DPH7: variants seen among roughly 807,000 people sequenced by gnomAD.
DPH7 encodes diphthine methyltransferase.
Under a neutral mutation model 41.7 loss-of-function variants are expected in DPH7, and 44 were observed. The observed-to-expected ratio is 1.05, with a 90% CI of 0.83 to 1.36. The LOEUF is 1.36. DPH7 is among the 40% of genes most tolerant of loss of function. The pLI, the probability that DPH7 is intolerant of heterozygous loss-of-function variation, is 0.00. For synonymous variants in DPH7, 275 were observed against 238.0 expected, an observed-to-expected ratio of 1.16 and a Z score of -1.43; for missense variants, 629 against 577.5, an observed-to-expected ratio of 1.09 and a Z score of -0.91.
chr9:137,575,987 G>A (rs1477776185), intron 3 of DPH7, 93 bp downstream of exon 3: 41 of 1,586,876 alleles, frequency 2.6e-5, no homozygotes, highest in South Asian at 2.1e-4. Context: ...AAGAGAGATC[G>A]TTTTAGAAAA....
At chr9:137,571,348 G>A (rs373630220) in intron 5 of DPH7, among the ~76,000 whole-genome samples, 4 of 151,306 alleles carry the variant, frequency 2.6e-5, no homozygotes, top group African/African-American at 7.3e-5. Flanking sequence ...CACCATGCCC[G>A]GCTAATTTTT....
rs144597061 is a variant in DPH7, at chr9:137,565,130, C to A, written c.665G>T (p.Gly222Val). Residue 222 changes from glycine to valine, a missense_variant, in exon 6 of 9, where the codon GGC (glycine) becomes GTC (valine). Gly to Val is a moderately radical substitution (Grantham distance 109). Coordinates refer to ENST00000277540, the MANE Select transcript of DPH7 (RefSeq NM_138778.5). ...YSGGDDGLLR[G>V]WDTRVPGKFL... is the part of the protein sequence containing the mutation. Reference sequence around the variant, plus strand: ...TTTGCCGGGTACCCTGGTGTCCCAGCCCCTCAGAAGGCCATCGTCGCCCCC... The same window carrying A: ...TTTGCCGGGTACCCTGGTGTCCCAGACCCTCAGAAGGCCATCGTCGCCCCC... 3.1e-6 allele frequency: 5 copies of A among 1,614,052 alleles called. No individual in the cohort carries two copies. The highest frequency in any genetic ancestry group is 4.2e-6 in the Non-Finnish European group (5 of 1,180,022).
At position 137,555,541 on chromosome 9, in the gene DPH7, A is replaced by AGGGGGCCG; in HGVS notation, c.1056_1057insCGGCCCCC (p.Ser353ArgfsTer11). Reference sequence around the variant, plus strand: ...CCTAGGTTGCTAGGAAAGGACCACGAGGGGGCCCGCTGCAGAGAACGGAAG... The same window carrying AGGGGGCCG: ...CCTAGGTTGCTAGGAAAGGACCACGAGGGGGCCGGGGGGCCCGCTGCAGAGAACGGAAG... On this transcript the variant is annotated frameshift_variant, in exon 9 of 9. Coordinates refer to ENST00000277540, the MANE Select transcript of DPH7 (RefSeq NM_138778.5). LOFTEE classifies it low-confidence loss of function (END_TRUNC). 1 of 1,613,982 alleles carries AGGGGGCCG rather than the reference A, an allele frequency of 6.2e-7. No individual in the cohort carries two copies. The highest frequency in any genetic ancestry group is 1.1e-5 in the South Asian group (1 of 91,076).
chr9:137,564,810 G>A (rs1839283251), intron 7 of DPH7, 83 bp downstream of exon 7: 1 of 1,496,786 alleles, frequency 6.7e-7, no homozygotes, highest in African/African-American at 1.4e-5. Context: ...AGGAAAGGCA[G>A]CGAAAGAGGG....
chr9:137,571,577 T>C (rs1187026459), intron 5 of DPH7, among the ~76,000 whole-genome samples: 3 of 151,966 alleles, frequency 2.0e-5, no homozygotes, highest in African/African-American at 7.2e-5. Context: ...CGCTTGAGCC[T>C]AGGCATTCGA....
chr9:137,556,286 G>C lies in DPH7; in HGVS notation c.950-638C>G, dbSNP rs1837490106. Among the ~76,000 whole-genome samples, 1 of 152,204 alleles carries C rather than the reference G, an allele frequency of 6.6e-6. No homozygotes were observed. The highest frequency in any genetic ancestry group is 1.5e-5 in the Non-Finnish European group (1 of 68,036). ...ACACAGCAACAGAGGGAATGACGAG[G>C]CGTGGCCAAACCCGAGGCGATCTGG... On this transcript the variant is annotated intron_variant, in intron 8 of 8. Transcript: ENST00000277540. The surrounding 1 kb of genome is among the most constrained non-coding windows in gnomAD (Gnocchi z 5.2).
At chr9:137,562,288 G>A (rs1281694811) in intron 8 of DPH7, among the ~76,000 whole-genome samples, 1 of 152,054 alleles carries the variant, frequency 6.6e-6, no homozygotes, top group Admixed American at 6.6e-5. Flanking sequence ...CAGAACACAC[G>A]TCCGCAAGTG....
In DPH7 at chr9:137,565,339, G is replaced by A; in HGVS notation, c.641-185C>T. 2 of 183,982 alleles carry A rather than the reference G, an allele frequency of 1.1e-5. 1 individual carries two copies. The highest frequency in any genetic ancestry group is 1.9e-5 in the Non-Finnish European group (2 of 104,176). The allele number at this position is 183,982 out of a possible 1,614,324, so 11.4% of individuals were successfully genotyped here. A position where few individuals can be genotyped will look rare whatever the true frequency, so the allele number is the denominator to read the frequency against. Reference sequence around the variant, plus strand: ...TGTGAGGAAGCTCCCCGGGGTGACTGTCTGTGAGGAAGCTCCCCTGGGTGA... The same window carrying A: ...TGTGAGGAAGCTCCCCGGGGTGACTATCTGTGAGGAAGCTCCCCTGGGTGA... On this transcript the variant is annotated intron_variant, in intron 5 of 8. Coordinates refer to ENST00000277540, the MANE Select transcript of DPH7 (RefSeq NM_138778.5).
intron 8 of DPH7, among the ~76,000 whole-genome samples, chr9:137,558,945 T>TG (rs1448038400): frequency 6.6e-6 from 1 of 152,106 alleles, no homozygotes; most frequent in East Asian, 1.9e-4. Flanking sequence ...CGTGAGACAC[T>TG]GCGCCCGGCC....
intron 1 of DPH7, 87 bp downstream of exon 1, chr9:137,578,538 T>C: frequency 2.2e-6 from 3 of 1,346,886 alleles, no homozygotes; most frequent in Non-Finnish European, 2.9e-6. Flanking sequence ...ATATCCCCTC[T>C]TCATCTCCTG....
At position 137,578,613 on chromosome 9, in the gene DPH7, C is replaced by T. The variant is rs1274459784; in HGVS notation, c.153+12G>A. The T allele has an allele frequency of 2.0e-6, 3 of 1,474,004 alleles. No homozygotes were observed. The highest frequency in any genetic ancestry group is 2.7e-6 in the Non-Finnish European group (3 of 1,119,878). 91.3% of individuals were successfully genotyped at this position (1,474,004 alleles called of 1,614,324 possible). On this transcript the variant is annotated intron_variant, in intron 1 of 8. Transcript: ENST00000277540. ...GCCCCGCCCTCCCCTCCCGAAGCCG[C>T]GGCGCGCGCACCTTGTTCTGGGGGC... is the stretch of plus-strand genomic sequence containing the variant.
chr9:137,577,868 G>T, intron 1 of DPH7: 1 of 785,924 alleles, frequency 1.3e-6, no homozygotes, highest in Non-Finnish European at 1.5e-6. Context: ...CAGTTTGCCT[G>T]GGACAGTCCT....
chr9:137,564,485 C>T lies in DPH7; in HGVS notation c.898G>A (p.Ala300Thr). Residue 300 changes from alanine to threonine, a missense_variant, in exon 8 of 9, where the codon GCC (alanine) becomes ACC (threonine). Coordinates refer to ENST00000277540, the MANE Select transcript of DPH7 (RefSeq NM_138778.5). ...WHPFHHHLLL[A>T]ACMHSGFKIL... ...TTAAAGCCACTGTGCATGCAGGCGG[C>T]CAGGAGCAGGTGGTGGTGGAAAGGG... 1 of 1,614,060 alleles carries T rather than the reference C, an allele frequency of 6.2e-7. No homozygotes were observed. The highest frequency in any genetic ancestry group is 1.3e-5 in the African/African-American group (1 of 75,046).
chr9:137,576,659 G>A (rs1221510545), intron 2 of DPH7, among the ~76,000 whole-genome samples: 1 of 152,222 alleles, frequency 6.6e-6, no homozygotes, highest in Non-Finnish European at 1.5e-5. Context: ...GGGAGGCTGA[G>A]GCGGGTGGAT....
chr9:137,561,692 T>TTAG (rs1488381506), intron 8 of DPH7, among the ~76,000 whole-genome samples: 7 of 152,246 alleles, frequency 4.6e-5, no homozygotes, highest in African/African-American at 1.7e-4. Context: ...CAAAAAATGT[T>TTAG]ACTAGATTTA....
chr9:137,563,080 G>C (rs985346106), intron 8 of DPH7, among the ~76,000 whole-genome samples: 4 of 152,182 alleles, frequency 2.6e-5, no homozygotes, highest in Non-Finnish European at 1.5e-5. Flanking sequence ...AGGAGGTTGA[G>C]GCTGCAGTGA....
At chr9:137,575,862 C>T in intron 3 of DPH7, 1 of 1,371,804 alleles carries the variant, frequency 7.3e-7, no homozygotes, top group African/African-American at 1.5e-5. Context: ...GTCACTTCAG[C>T]CCTTCTGCTG....
rs767700162 is a variant in DPH7, at chr9:137,574,854, A to T, written c.376-11T>A. On this transcript the variant is annotated splice_polypyrimidine_tract_variant and intron_variant, in intron 3 of 8. Transcript: ENST00000277540. ...CAGCACGTGGCTCTTCTACTGGAGA[A>T]GAAGAAACTCCATCAAAGGGAAGTA... The T allele has an allele frequency of 9.7e-5, 156 of 1,613,280 alleles. No individual in the cohort carries two copies. The highest frequency in any genetic ancestry group is 1.3e-4 in the Non-Finnish European group (153 of 1,179,850).
At chr9:137,576,507 G>A in intron 2 of DPH7, 1 of 250,006 alleles carries the variant, frequency 4.0e-6, no homozygotes, top group South Asian at 6.9e-5. Flanking sequence ...GGAAGCTGAG[G>A]TAGGAGGATG....
Sources: gnomAD v4.1 joint callset for allele counts (sites outside exome capture counted in the v4.1 genomes callset) on GRCh38, gnomAD v4.1.1 for gene constraint, Gnocchi (gnomAD v3.1) non-coding constraint, MANE v1.5 for transcripts, NCBI Gene and HGNC (gene_info 2026-07-23, HGNC 2026-07-21) for gene names.